Variants in MEGF11 observed in about 807,000 individuals in gnomAD.
The protein encoded by MEGF11 is multiple EGF like domains 11.
Under a neutral mutation model 146.6 loss-of-function variants are expected in MEGF11, and 126 were observed. The observed-to-expected ratio is 0.86, with a 90% CI of 0.74 to 1.00. The LOEUF is 1.00. MEGF11 is among the 50% of genes least tolerant of loss of function. The pLI, the probability that MEGF11 is intolerant of heterozygous loss-of-function variation, is 0.00. For missense variants in MEGF11, 1,509 were observed against 1,521.2 expected, an observed-to-expected ratio of 0.99 and a Z score of 0.13; for synonymous variants, 532 against 583.4, an observed-to-expected ratio of 0.91 and a Z score of 1.27.
chr15:66,202,153 C>T (rs1251492488), intron 1 of MEGF11, among the ~76,000 whole-genome samples: 2 of 136,226 alleles, frequency 1.5e-5, no homozygotes, highest in Non-Finnish European at 3.2e-5. Flanking sequence ...GTGATACACA[C>T]ACACATACTC....
intron 10 of MEGF11, among the ~76,000 whole-genome samples, chr15:65,940,410 A>C (rs2079945897): frequency 6.6e-6 from 1 of 152,044 alleles, no homozygotes; most frequent in African/African-American, 2.4e-5. Flanking sequence ...CCCACTCCCA[A>C]CTCTAAGCGC....
At chr15:65,908,952 G>T in intron 23 of MEGF11, 82 bp downstream of exon 23, 1 of 836,336 alleles carries the variant, frequency 1.2e-6, no homozygotes, top group Non-Finnish European at 1.9e-6. Context: ...CAGGGTGGGG[G>T]TCAAGGTGCA....
chr15:66,204,937 T>G (rs1363109969), intron 1 of MEGF11, among the ~76,000 whole-genome samples: 1 of 151,570 alleles, frequency 6.6e-6, no homozygotes, highest in African/African-American at 2.4e-5. Context: ...CTAGGAACTT[T>G]AAGCCCCAAG....
At chr15:66,124,206 A>G (rs2088212500) in intron 2 of MEGF11, among the ~76,000 whole-genome samples, 1 of 151,950 alleles carries the variant, frequency 6.6e-6, no homozygotes, top group Non-Finnish European at 1.5e-5. Flanking sequence ...GCCCCAGGAC[A>G]TATTTACTGA....
At chr15:66,080,794 A>G (rs2085815868) in intron 5 of MEGF11, among the ~76,000 whole-genome samples, 1 of 152,210 alleles carries the variant, frequency 6.6e-6, no homozygotes, top group Non-Finnish European at 1.5e-5. Context: ...CGTCACGGTG[A>G]CTGTGCCCCA....
At chr15:66,102,668 C>T (rs1333733065) in intron 4 of MEGF11, among the ~76,000 whole-genome samples, 1 of 152,124 alleles carries the variant, frequency 6.6e-6, no homozygotes, top group African/African-American at 2.4e-5. Flanking sequence ...GCCTCAAACT[C>T]CTGGCCTCAA....
chr15:66,151,756 T>A (rs2141039267), intron 1 of MEGF11, among the ~76,000 whole-genome samples: 1 of 152,248 alleles, frequency 6.6e-6, no homozygotes, highest in Admixed American at 6.5e-5. Flanking sequence ...CCAGACCCAC[T>A]TCCCCCTTCT....
Position 65,957,831 on chromosome 15 carries a change from C to A in MEGF11, c.1113-110G>T, listed in dbSNP as rs1596905715. The A allele has an allele frequency of 3.0e-6, 3 of 992,552 alleles. No individual in the cohort carries two copies. In the East Asian group the frequency reaches 7.5e-5, roughly 25 times the overall value. 61.5% of individuals were successfully genotyped at this position (992,552 alleles called of 1,614,324 possible). On this transcript the variant is annotated intron_variant, in intron 9 of 25. Transcript: ENST00000395614. ...TGCCTAGGGTAGCAGGATCAAAGGA[C>A]CTCTGGGATTAAATTGCTCAATGCC...
intron 4 of MEGF11, among the ~76,000 whole-genome samples, chr15:66,107,054 A>T (rs1276372866): frequency 7.6e-6 from 1 of 132,436 alleles, no homozygotes; most frequent in Non-Finnish European, 1.6e-5. Flanking sequence ...TTATATTCCT[A>T]CCCCCCCACC....
chr15:65,973,796 C>T (rs1004805036), intron 7 of MEGF11, among the ~76,000 whole-genome samples: 3 of 152,094 alleles, frequency 2.0e-5, no homozygotes, highest in South Asian at 2.1e-4. Flanking sequence ...AGTCAAGAAA[C>T]GGCTATAAAG....
chr15:66,157,393 A>G (rs2089798702), intron 1 of MEGF11, among the ~76,000 whole-genome samples: 1 of 152,216 alleles, frequency 6.6e-6, no homozygotes, highest in Admixed American at 6.5e-5. Context: ...CTGACCTGCC[A>G]TCATCCCACA....
intron 14 of MEGF11, 120 bp downstream of exon 14, chr15:65,922,703 A>G: frequency 7.5e-7 from 1 of 1,331,706 alleles, no homozygotes; most frequent in Non-Finnish European, 1.0e-6. Flanking sequence ...ACTAGAGGGA[A>G]GGAAGAGATG....
At chr15:66,137,984 C>T (rs773678461) in intron 1 of MEGF11, among the ~76,000 whole-genome samples, 4 of 152,192 alleles carry the variant, frequency 2.6e-5, no homozygotes, top group Non-Finnish European at 5.9e-5. Flanking sequence ...TTTTAAGCCT[C>T]GGAGTTTGAG....
At chr15:66,252,525 C>T (rs2092389334) in intron 1 of MEGF11, among the ~76,000 whole-genome samples, 1 of 152,224 alleles carries the variant, frequency 6.6e-6, no homozygotes, top group South Asian at 2.1e-4. Context: ...GCACCGATCC[C>T]GAGACGCGGC....
At chr15:66,172,980 A>T (rs913873472) in intron 1 of MEGF11, among the ~76,000 whole-genome samples, 1 of 152,092 alleles carries the variant, frequency 6.6e-6, no homozygotes, top group Non-Finnish European at 1.5e-5. Flanking sequence ...TATATGGGCT[A>T]CCCTGGGAGG....
intron 1 of MEGF11, among the ~76,000 whole-genome samples, chr15:66,186,711 A>G (rs573700206): frequency 2.6e-5 from 4 of 152,376 alleles, no homozygotes; most frequent in Admixed American, 1.3e-4. Context: ...TCAAATGCAG[A>G]GGCAAATACC....
chr15:66,069,312 AC>A (rs890416631), intron 5 of MEGF11, among the ~76,000 whole-genome samples: 1 of 152,236 alleles, frequency 6.6e-6, no homozygotes, highest in African/African-American at 2.4e-5. Flanking sequence ...AATTTGAATT[AC>A]CAAGGGTTTG....
intron 5 of MEGF11, among the ~76,000 whole-genome samples, chr15:66,013,559 A>C (rs968691916): frequency 6.6e-6 from 1 of 152,202 alleles, no homozygotes; most frequent in Non-Finnish European, 1.5e-5. Flanking sequence ...ATGTAGGAGG[A>C]ATCTGAGGCT....
intron 1 of MEGF11, among the ~76,000 whole-genome samples, chr15:66,172,239 C>T (rs1291743341): frequency 6.6e-6 from 1 of 152,168 alleles, no homozygotes; most frequent in Non-Finnish European, 1.5e-5. Flanking sequence ...AGAGTGGAGA[C>T]CCAAGACATC....
Sources: allele counts gnomAD v4.1 joint callset (sites outside exome capture counted in the v4.1 genomes callset), GRCh38; gene constraint gnomAD v4.1.1; transcripts MANE v1.5; gene names NCBI Gene and HGNC (gene_info 2026-07-23, HGNC 2026-07-21).